The following KSR2 variants were observed in gnomAD, a reference collection of about 807,000 sequenced individuals.
The protein encoded by KSR2 is kinase suppressor of ras 2.
A neutral mutation model predicts 107.8 loss-of-function variants in KSR2; 25 were observed. The observed-to-expected ratio is 0.23, with a 90% CI of 0.17 to 0.32. The LOEUF (loss-of-function observed/expected upper bound fraction) is 0.32, where lower values mean the gene tolerates loss of function less well. KSR2 is among the 10% of genes least tolerant of loss of function. KSR2 has a pLI of 1.00. For synonymous variants in KSR2, 480 were observed against 507.0 expected, an observed-to-expected ratio of 0.95 and a Z score of 0.71; for missense variants, 887 against 1,268.9, an observed-to-expected ratio of 0.70 and a Z score of 4.57.
At chr12:117,890,591 A>G (rs544085898) in intron 1 of KSR2, among the ~76,000 whole-genome samples, 4 of 152,374 alleles carry the variant, frequency 2.6e-5, no homozygotes, top group African/African-American at 9.6e-5. Context: ...AACTTTTCAT[A>G]GAAGAACCAT....
At chr12:117,652,878 TC>T (rs1344063341) in intron 5 of KSR2, among the ~76,000 whole-genome samples, 1 of 152,128 alleles carries the variant, frequency 6.6e-6, no homozygotes, top group African/African-American at 2.4e-5. Context: ...CATCCTGTGG[TC>T]ATTTCCCCAG....
At chr12:117,955,444 G>C (rs1896483919) in intron 1 of KSR2, among the ~76,000 whole-genome samples, 1 of 152,054 alleles carries the variant, frequency 6.6e-6, no homozygotes, top group African/African-American at 2.4e-5. Flanking sequence ...AGGAAACTGA[G>C]GCTTGGCAAG....
chr12:117,934,888 C>T (rs1165221298), intron 1 of KSR2, among the ~76,000 whole-genome samples: 1 of 152,038 alleles, frequency 6.6e-6, no homozygotes. Flanking sequence ...TGCAGTGGTA[C>T]GAGCATGGCT....
Position 117,855,566 on chromosome 12 carries a change from C to T in KSR2, c.334G>A (p.Gly112Ser), listed in dbSNP as rs1173089162. ...AAGAGGTCCTCCAGGCTCAGCTGGC[C>T]GGGGGAGATTTCCTAGAGGAGGGGA... ...RKEVLEEISP[G>S]QLSLEDLLEM... Residue 112 changes from glycine (G) to serine (S), a missense_variant, in exon 3 of 20, where the codon GGC becomes AGC. Gly to Ser is a moderately conservative substitution (Grantham distance 56). Around this residue, in one of 8 missense-constraint regions of KSR2, gnomAD observed 399 missense variants for 479.5 expected, o/e 0.83. Coordinates refer to ENST00000339824, the MANE Select transcript of KSR2 (RefSeq NM_173598.6). The T allele has an allele frequency of 1.3e-5, 21 of 1,613,786 alleles. No homozygotes were observed. Among genetic ancestry groups the T allele is most frequent in the South Asian group, 5.5e-5 (5 of 91,076 alleles).
At chr12:117,941,312 C>T (rs1325296682) in intron 1 of KSR2, among the ~76,000 whole-genome samples, 1 of 151,856 alleles carries the variant, frequency 6.6e-6, no homozygotes, top group African/African-American at 2.4e-5. Flanking sequence ...CACTGTGTGA[C>T]CCCCTAGAAA....
intron 1 of KSR2, among the ~76,000 whole-genome samples, chr12:117,925,361 C>T (rs1015366685): frequency 6.6e-6 from 1 of 152,232 alleles, no homozygotes; most frequent in East Asian, 1.9e-4. Flanking sequence ...TGGCCTCAAG[C>T]AGTCCGCCCA....
At chr12:117,774,096 C>A (rs1889601211) in intron 3 of KSR2, among the ~76,000 whole-genome samples, 1 of 152,156 alleles carries the variant, frequency 6.6e-6, no homozygotes, top group Admixed American at 6.5e-5. Context: ...AGCCCCCTAA[C>A]CCCTCAGGAA....
At chr12:117,722,053 T>A (rs188003684) in intron 4 of KSR2, among the ~76,000 whole-genome samples, 14 of 152,134 alleles carry the variant, frequency 9.2e-5, no homozygotes, top group Non-Finnish European at 1.5e-4. Context: ...TATTTTTTTT[T>A]AACATTTTTT....
At chr12:117,591,745 C>T (rs11068558) in intron 5 of KSR2, among the ~76,000 whole-genome samples, 9,286 of 151,834 alleles carry the variant, frequency 0.061, 644 homozygotes, top group East Asian at 0.2. Flanking sequence ...GGCTCACGTC[C>T]GTAATCCCAG....
At chr12:117,637,624 T>C (rs1280735211) in intron 5 of KSR2, among the ~76,000 whole-genome samples, 2 of 149,270 alleles carry the variant, frequency 1.3e-5, no homozygotes, top group African/African-American at 4.9e-5. Context: ...GTCAGGTCCC[T>C]GGGAAGGCTG....
intron 4 of KSR2, among the ~76,000 whole-genome samples, chr12:117,680,200 G>T (rs78946449): frequency 1.3e-5 from 2 of 152,062 alleles, no homozygotes; most frequent in East Asian, 3.9e-4. Context: ...TCCCTGAATT[G>T]TATGCCACTG....
At chr12:117,687,288 T>C (rs1015741966) in intron 4 of KSR2, among the ~76,000 whole-genome samples, 1 of 152,172 alleles carries the variant, frequency 6.6e-6, no homozygotes, top group African/African-American at 2.4e-5. Context: ...TCAGCAAGTA[T>C]GATCCCACCA....
intron 4 of KSR2, among the ~76,000 whole-genome samples, chr12:117,713,469 CAACAAATGTTGAGAGAATGCAT>C (rs150735046): frequency 0.012 from 1,861 of 152,200 alleles, 45 homozygotes; most frequent in African/African-American, 0.043. Context: ...AAGGAATGTG[CAACAAATGTTGAGAGAATGCAT>C]AACAAATGTT....
intron 3 of KSR2, among the ~76,000 whole-genome samples, chr12:117,807,071 T>C (rs1319757389): frequency 6.6e-6 from 1 of 152,156 alleles, no homozygotes; most frequent in Non-Finnish European, 1.5e-5. Context: ...TGACACTTCC[T>C]TTTCATGGTG....
At chr12:117,819,409 G>A (rs183032784) in intron 3 of KSR2, among the ~76,000 whole-genome samples, 5 of 152,352 alleles carry the variant, frequency 3.3e-5, no homozygotes, top group Non-Finnish European at 5.9e-5. Context: ...GAGTTGCTGA[G>A]AGCCTCCTAG....
chr12:117,482,781 G>A (rs993778281), intron 16 of KSR2, among the ~76,000 whole-genome samples: 1 of 152,228 alleles, frequency 6.6e-6, no homozygotes, highest in African/African-American at 2.4e-5. Flanking sequence ...TCAGGGACAA[G>A]CCACTGTTGA....
intron 5 of KSR2, among the ~76,000 whole-genome samples, chr12:117,634,795 T>A (rs1322077209): frequency 1.3e-5 from 2 of 152,116 alleles, no homozygotes; most frequent in South Asian, 2.1e-4. Context: ...GTTGGGAGAA[T>A]GTAAATGTTG....
intron 12 of KSR2, 96 bp from the exon 13 acceptor site, chr12:117,527,215 T>G: frequency 1.2e-6 from 1 of 854,790 alleles, no homozygotes; most frequent in Non-Finnish European, 2.0e-6. Context: ...ATCGGAGGTC[T>G]TTACCACCAA....
chr12:117,613,474 G>A (rs1251273977), intron 5 of KSR2, among the ~76,000 whole-genome samples: 1 of 152,110 alleles, frequency 6.6e-6, no homozygotes, highest in Non-Finnish European at 1.5e-5. Flanking sequence ...AGGCTGATCA[G>A]TGGCACCTCT....
Sources: allele counts gnomAD v4.1 joint callset (sites outside exome capture counted in the v4.1 genomes callset), GRCh38; gene constraint gnomAD v4.1.1; regional missense constraint gnomAD v4.1.1; transcripts MANE v1.5; gene names NCBI Gene and HGNC (gene_info 2026-07-23, HGNC 2026-07-21).